Variants in EEFSEC observed in about 807,000 individuals in gnomAD.
EEFSEC encodes the protein eukaryotic elongation factor, selenocysteine-tRNA specific.
A neutral mutation model predicts 42.1 loss-of-function variants in EEFSEC; 43 were observed. The observed-to-expected ratio is 1.02, with a 90% CI of 0.80 to 1.32. The LOEUF (loss-of-function observed/expected upper bound fraction) is 1.32. Ranked by LOEUF, EEFSEC falls within the 40% of genes most tolerant of loss-of-function variation. The pLI is 0.00. For synonymous variants in EEFSEC, 354 were observed against 339.1 expected (o/e 1.04, Z -0.48); for missense variants, 745 against 803.6 (o/e 0.93, Z 0.88).
chr3:128,195,205 A>T (rs1219559819), intron 1 of EEFSEC, among the ~76,000 whole-genome samples: 1 of 152,184 alleles, frequency 6.6e-6, no homozygotes, highest in African/African-American at 2.4e-5. Context: ...TGGCTTTAGG[A>T]GTTGAGGAAA....
chr3:128,355,340 T>C (rs2067439431), intron 5 of EEFSEC, among the ~76,000 whole-genome samples: 1 of 151,896 alleles, frequency 6.6e-6, no homozygotes, highest in South Asian at 2.1e-4. Context: ...GGAAGCTGTC[T>C]GAAGGAGGAA....
intron 6 of EEFSEC, among the ~76,000 whole-genome samples, chr3:128,389,703 A>C (rs2067884902): frequency 6.6e-6 from 1 of 152,250 alleles, no homozygotes; most frequent in Admixed American, 6.5e-5. Context: ...CCACCCCAAC[A>C]GGGAGCATGG....
intron 5 of EEFSEC, among the ~76,000 whole-genome samples, chr3:128,344,091 C>T (rs2067285355): frequency 6.6e-6 from 1 of 152,218 alleles, no homozygotes. Flanking sequence ...GGAGCAGCTC[C>T]CCCAACTCGC....
chr3:128,334,835 G>A (rs1488794872), intron 4 of EEFSEC, among the ~76,000 whole-genome samples: 1 of 152,210 alleles, frequency 6.6e-6, no homozygotes, highest in Non-Finnish European at 1.5e-5. Flanking sequence ...CTCAGGGGAC[G>A]GACCTCCCAG....
At chr3:128,246,764 G>T in intron 1 of EEFSEC, 72 bp from the exon 2 acceptor site, 1 of 1,519,262 alleles carries the variant, frequency 6.6e-7, no homozygotes, top group South Asian at 1.1e-5. Context: ...GCTTTGACCT[G>T]GGGCATTGGG....
chr3:128,226,037 G>A (rs902290374), intron 1 of EEFSEC, among the ~76,000 whole-genome samples: 1 of 152,222 alleles, frequency 6.6e-6, no homozygotes, highest in African/African-American at 2.4e-5. Flanking sequence ...GGAGAACAGA[G>A]CCCCAATAAG....
chr3:128,227,424 C>T (rs1357700054), intron 1 of EEFSEC, among the ~76,000 whole-genome samples: 2 of 152,148 alleles, frequency 1.3e-5, no homozygotes, highest in Admixed American at 1.3e-4. Flanking sequence ...TGGGGTGAAG[C>T]TCCTGATGGG....
intron 1 of EEFSEC, among the ~76,000 whole-genome samples, chr3:128,173,247 T>C (rs2065316793): frequency 1.3e-5 from 2 of 152,210 alleles, no homozygotes; most frequent in South Asian, 4.1e-4. Flanking sequence ...ACCATCAGTT[T>C]CCAAAGGAGC....
chr3:128,215,924 C>T (rs951814728), intron 1 of EEFSEC, among the ~76,000 whole-genome samples: 18 of 152,094 alleles, frequency 1.2e-4, no homozygotes, highest in African/African-American at 4.3e-4. Flanking sequence ...CTAGGTCCCA[C>T]GCCTATCCCT....
chr3:128,273,445 G>A (rs2066434958), intron 4 of EEFSEC, among the ~76,000 whole-genome samples: 1 of 152,236 alleles, frequency 6.6e-6, no homozygotes, highest in Non-Finnish European at 1.5e-5. Flanking sequence ...CAGGTTGGAG[G>A]ATGCTGCCCC....
At chr3:128,421,282 G>C in the EEFSEC span, among the ~76,000 whole-genome samples, 2 of 152,226 alleles carry the variant, frequency 1.3e-5, no homozygotes, top group Non-Finnish European at 2.9e-5. Context: ...AGCAGCAGAG[G>C]CTCTGCCTCT....
chr3:128,346,396 G>A (rs768782794), intron 5 of EEFSEC, among the ~76,000 whole-genome samples: 1 of 152,264 alleles, frequency 6.6e-6, no homozygotes, highest in East Asian at 1.9e-4. Context: ...ATTGTTTTGC[G>A]TGTCTGCTAT....
Position 128,282,068 on chromosome 3 carries a change from C to T in EEFSEC, c.786+17287C>T, listed in dbSNP as rs558170980. On this transcript the variant is annotated intron_variant, in intron 4 of 6. Coordinates refer to ENST00000254730, the MANE Select transcript of EEFSEC (RefSeq NM_021937.5). Reference sequence around the variant, plus strand: ...TCTCCCACAGGTCCCGTGCTCCCCACGTGCCCTTACAGTTACCTGCCCACC... The same window carrying T: ...TCTCCCACAGGTCCCGTGCTCCCCATGTGCCCTTACAGTTACCTGCCCACC... Among the ~76,000 whole-genome samples the T allele has an allele frequency of 1.4e-4, 21 of 152,368 alleles. No individual in the cohort carries two copies. The South Asian group carries it at 4.4e-3, about 32-fold the overall frequency.
chr3:128,180,364 C>T (rs189672299), intron 1 of EEFSEC, among the ~76,000 whole-genome samples: 33 of 152,274 alleles, frequency 2.2e-4, no homozygotes, highest in Admixed American at 6.5e-4. Flanking sequence ...TTGACAACAC[C>T]GTTTTTCTTC....
At position 128,293,679 on chromosome 3, in the gene EEFSEC, A is replaced by AAAAAAAAC. The variant is rs2066671873; in HGVS notation, c.786+28905_786+28906insCAAAAAAA. Among the ~76,000 whole-genome samples the AAAAAAAAC allele has an allele frequency of 3.6e-4, 48 of 133,458 alleles. 2 individuals carry two copies. Among genetic ancestry groups the AAAAAAAAC allele is most frequent in the African/African-American group, 1.1e-3 (37 of 34,806 alleles). 87.6% of individuals were successfully genotyped at this position (133,458 alleles called of 152,430 possible). A position where few individuals can be genotyped will look rare whatever the true frequency, so the allele number is the denominator to read the frequency against. On this transcript the variant is annotated intron_variant, in intron 4 of 6. Transcript: ENST00000254730. ...CTATCTCAAAAAAAAAAAAAAAAAA[A>AAAAAAAAC]AAAAAAAACTTCCCTTATAGGATCA... is the stretch of plus-strand genomic sequence containing the variant.
intron 4 of EEFSEC, among the ~76,000 whole-genome samples, chr3:128,316,507 G>A (rs185584307): frequency 8.5e-5 from 13 of 152,294 alleles, no homozygotes; most frequent in African/African-American, 2.2e-4. Context: ...CCTTATGATC[G>A]ACAGGCACGT....
At chr3:128,229,367 G>A (rs925821960) in intron 1 of EEFSEC, among the ~76,000 whole-genome samples, 2 of 152,154 alleles carry the variant, frequency 1.3e-5, no homozygotes, top group African/African-American at 4.8e-5. Flanking sequence ...AGTGAGATTC[G>A]TCTGCTCTCA....
chr3:128,201,847 G>T (rs896723230), intron 1 of EEFSEC, among the ~76,000 whole-genome samples: 4 of 152,164 alleles, frequency 2.6e-5, no homozygotes, highest in African/African-American at 7.2e-5. Flanking sequence ...TTTGCATTTA[G>T]TCCTGTAATC....
At chr3:128,275,746 G>A (rs1232940905) in intron 4 of EEFSEC, among the ~76,000 whole-genome samples, 7 of 152,248 alleles carry the variant, frequency 4.6e-5, no homozygotes, top group Non-Finnish European at 1.5e-5. Flanking sequence ...GCCCAGAGGC[G>A]AGAGAGTGTC....
Sources: allele counts gnomAD v4.1 joint callset (sites outside exome capture counted in the v4.1 genomes callset), GRCh38; gene constraint gnomAD v4.1.1; transcripts MANE v1.5; gene names NCBI Gene and HGNC (gene_info 2026-07-23, HGNC 2026-07-21).